CASKIN2: variants seen among roughly 807,000 people sequenced by gnomAD.
CASKIN2 encodes caskin-2.
In CASKIN2, 41 loss-of-function variants were observed where a neutral mutation model predicts 107.1. The ratio of observed to expected loss-of-function variants is 0.38; its 90% confidence interval spans 0.30 to 0.50. CASKIN2 has a LOEUF of 0.50. Among genes scored for constraint, CASKIN2 ranks in the 20% least tolerant of loss-of-function variants. The probability of loss-of-function intolerance (pLI) is 0.92; values close to 1 mark genes in which losing one functional copy is unlikely to be tolerated. For missense variants in CASKIN2, 1,546 were observed against 1,657.4 expected (o/e 0.93, Z 1.17); for synonymous variants, 724 against 705.6 (o/e 1.03, Z -0.41).
At position 75,502,914 on chromosome 17, in the gene CASKIN2, G is replaced by A. The variant is rs141399534; in HGVS notation, c.2160C>T (p.Ser720=). ...CCTGGGGGGGGCTGGGATCTCCACC[G>A]CTGGGCTGTGGGGCAGGCTGTTCCT... ...HSQEQPAPQP[S]GGDPSPPQER... The change falls in exon 18 of 20, where the codon AGC becomes AGT. Residue 720 remains serine (S), a synonymous_variant. Transcript: ENST00000321617. This position sits in a 1 kb window ranked among gnomAD's most constrained non-coding sequence, Gnocchi z 4.3. 58 of 1,558,414 alleles carry A rather than the reference G, an allele frequency of 3.7e-5. No individual in the cohort carries two copies. Among genetic ancestry groups the A allele is most frequent in the Admixed American group, 1.1e-4 (6 of 54,920 alleles).
In CASKIN2 at chr17:75,506,206, A is replaced by G; in HGVS notation, c.726+99T>C. On this transcript the variant is annotated intron_variant, in intron 8 of 19. Coordinates refer to ENST00000321617, the MANE Select transcript of CASKIN2 (RefSeq NM_020753.5). The surrounding 1 kb of genome is among the most constrained non-coding windows in gnomAD (Gnocchi z 4.8). ...CCTCTTTCCTGACGCCCATGCAAAAACCACGCTGGAGTCCTCCGTCCCGTA... is the reference window on the plus strand; with the variant it reads ...CCTCTTTCCTGACGCCCATGCAAAAGCCACGCTGGAGTCCTCCGTCCCGTA... The G allele has an allele frequency of 9.2e-7, 1 of 1,084,504 alleles. No homozygotes were observed. Among genetic ancestry groups the G allele is most frequent in the Non-Finnish European group, 1.3e-6 (1 of 747,170 alleles). 67.2% of individuals were successfully genotyped at this position (1,084,504 alleles called of 1,614,324 possible).
rs1325221150 is a variant in CASKIN2 at position 75,503,477 on chromosome 17, C to T, written c.1731G>A (p.Lys577=). Reference sequence around the variant, plus strand: ...AGTCGTAGCCGCTGCTCACCAGCTGCTTGTGGTACTGTGGCAGCCCCAGTG... The same window carrying T: ...AGTCGTAGCCGCTGCTCACCAGCTGTTTGTGGTACTGTGGCAGCCCCAGTG... The part of the protein sequence containing the change: ...LCALGLPQYH[K]QLVSSGYDSM... The change falls in exon 17 of 20, where the codon AAG becomes AAA. Residue 577 remains lysine, a synonymous_variant. Transcript: ENST00000321617. The T allele has an allele frequency of 1.2e-6, 2 of 1,612,602 alleles. No individual in the cohort carries two copies. The highest frequency in any genetic ancestry group is 1.7e-5 in the Admixed American group (1 of 60,024).
At position 75,502,574 on chromosome 17, in the gene CASKIN2, C is replaced by T. The variant is rs1320319871; in HGVS notation, c.2500G>A (p.Gly834Arg). The change falls in exon 18 of 20, where the codon GGA becomes AGA. Residue 834 changes from glycine (G) to arginine (R), a missense_variant. Physicochemically the swap from Gly to Arg is moderately radical, Grantham distance 125. Around this residue, in one of 6 missense-constraint regions of CASKIN2, gnomAD observed 1,311 missense variants for 1,311.0 expected, o/e 1.00. Coordinates refer to ENST00000321617, the MANE Select transcript of CASKIN2 (RefSeq NM_020753.5). This position sits in a 1 kb window ranked among gnomAD's most constrained non-coding sequence, Gnocchi z 4.3. ...CTGGTCCGGACAAGGGCACTGCGTC[C>T]TGGCCGCCGGGTAAGGGTAGCATAA... ...GSYATLTRRPGRSALVRTSPS... is the reference protein window; with the variant it reads ...GSYATLTRRPRRSALVRTSPS... 1.3e-6 allele frequency: 2 copies of T among 1,585,970 alleles called. No homozygotes were observed. Among genetic ancestry groups the T allele is most frequent in the South Asian group, 2.3e-5 (2 of 87,846 alleles).
Position 75,505,563 on chromosome 17 carries a change from G to A in CASKIN2, c.924C>T (p.Val308=), listed in dbSNP as rs768861263. 4.3e-6 allele frequency: 7 copies of A among 1,613,498 alleles called. 1 individual carries two copies. In the South Asian group the frequency reaches 7.7e-5, roughly 18 times the overall value. Residue 308 remains valine, a synonymous_variant, in exon 10 of 20, where the codon GTC becomes GTT. Coordinates refer to ENST00000321617, the MANE Select transcript of CASKIN2 (RefSeq NM_020753.5). This position sits in a 1 kb window ranked among gnomAD's most constrained non-coding sequence, Gnocchi z 5.1. The part of the protein sequence containing the change: ...PTALNVRAGD[V]ITVLEQHPDG... Reference sequence around the variant, plus strand: ...CCTGCTTGGGGTCCCTCACCGTGATGACATCCCCTGCCCGGACATTGAGAG... The same window carrying A: ...CCTGCTTGGGGTCCCTCACCGTGATAACATCCCCTGCCCGGACATTGAGAG...
chr17:75,505,089 G>A lies in CASKIN2; in HGVS notation c.931-16C>T. The A allele has an allele frequency of 6.6e-7, 1 of 1,509,294 alleles. No individual in the cohort carries two copies. Among genetic ancestry groups the A allele is most frequent in the Non-Finnish European group, 9.0e-7 (1 of 1,107,344 alleles). 93.5% of individuals were successfully genotyped at this position (1,509,294 alleles called of 1,614,324 possible). ...GTTCTAGCACCTGCGGCCAGGGGTG[G>A]GGGGCGGGGACGGTCACTCCCAGCA... On this transcript the variant is annotated splice_polypyrimidine_tract_variant and intron_variant, in intron 10 of 19. Transcript: ENST00000321617. This position sits in a 1 kb window ranked among gnomAD's most constrained non-coding sequence, Gnocchi z 5.1.
chr17:75,501,113 G>A lies in CASKIN2; in HGVS notation c.3576C>T (p.Ala1192=). 6.3e-7 allele frequency: 1 copy of A among 1,588,680 alleles called. No homozygotes were observed. Among genetic ancestry groups the A allele is most frequent in the Non-Finnish European group, 8.6e-7 (1 of 1,167,488 alleles). ...ILDDISTMFD[A]LADQLDAMLD is the part of the protein sequence containing the mutation. ...GCATGGCGTCCAGCTGGTCAGCCAG[G>A]GCGTCGAACATGGTGCTGATGTCAT... The change falls in exon 20 of 20, where the codon GCC becomes GCT. Residue 1192 remains alanine, a synonymous_variant. Transcript: ENST00000321617.
rs1171853266 is a variant in CASKIN2, at chr17:75,504,798, C to T, written c.1192+14G>A. The T allele has an allele frequency of 6.2e-7, 1 of 1,604,814 alleles. No homozygotes were observed. Among genetic ancestry groups the T allele is most frequent in the South Asian group, 1.1e-5 (1 of 89,560 alleles). ...CCCACACAGTGCCCAGCACTGCCCCCTGGGAGGATGTACCTGGGCTGTCTG... is the reference window on the plus strand; with the variant it reads ...CCCACACAGTGCCCAGCACTGCCCCTTGGGAGGATGTACCTGGGCTGTCTG... On this transcript the variant is annotated intron_variant, in intron 11 of 19. Coordinates refer to ENST00000321617, the MANE Select transcript of CASKIN2 (RefSeq NM_020753.5).
chr17:75,502,569 G>C lies in CASKIN2; in HGVS notation c.2505C>G (p.Arg835=). 1 of 1,581,148 alleles carries C rather than the reference G, an allele frequency of 6.3e-7. No homozygotes were observed. The highest frequency in any genetic ancestry group is 8.6e-7 in the Non-Finnish European group (1 of 1,161,574). ...SYATLTRRPG[R]SALVRTSPSV... is the part of the protein sequence containing the mutation. ...TAGGACTGGTCCGGACAAGGGCACT[G>C]CGTCCTGGCCGCCGGGTAAGGGTAG... Residue 835 remains arginine, a synonymous_variant, in exon 18 of 20, where the codon CGC becomes CGG. Transcript: ENST00000321617. The surrounding 1 kb of genome is among the most constrained non-coding windows in gnomAD (Gnocchi z 4.3).
chr17:75,502,439 C>T lies in CASKIN2; in HGVS notation c.2635G>A (p.Val879Ile), dbSNP rs545324811. The part of the protein sequence containing the change: ...PPPPPKRLSS[V>I]SGPSPEPPPL... ...GGTGGCTCCGGGCTGGGGCCAGAGA[C>T]GGAGCTGAGGCGCTTGGGGGGCGGG... The change falls in exon 18 of 20, where the codon GTC becomes ATC. Residue 879 changes from valine to isoleucine, a missense_variant. This residue lies in a region of CASKIN2 where 1,311 missense variants were observed against 1,311.0 expected (regional missense o/e 1.00). Transcript: ENST00000321617. This position sits in a 1 kb window ranked among gnomAD's most constrained non-coding sequence, Gnocchi z 4.3. 192 of 1,346,826 alleles carry T rather than the reference C, an allele frequency of 1.4e-4. No individual in the cohort carries two copies. The highest frequency in any genetic ancestry group is 4.4e-4 in the East Asian group (14 of 31,732). The allele number at this position is 1,346,826 out of a possible 1,614,324, so 83.4% of individuals were successfully genotyped here. A position where few individuals can be genotyped will look rare whatever the true frequency, so the allele number is the denominator to read the frequency against.
chr17:75,510,343 C>G (rs935654888), intron 2 of CASKIN2, among the ~76,000 whole-genome samples: 5 of 152,148 alleles, frequency 3.3e-5, no homozygotes, highest in Non-Finnish European at 2.9e-5. Flanking sequence ...GAGCATCTCC[C>G]ACCTCCCTGT....
At chr17:75,504,511 C>A in intron 12 of CASKIN2, 31 bp from the exon 13 acceptor site, 1 of 1,596,482 alleles carries the variant, frequency 6.3e-7, no homozygotes. Context: ...GCCAACTCAG[C>A]ATTTGGGGAA....
At position 75,502,614 on chromosome 17, in the gene CASKIN2, G is replaced by A; in HGVS notation, c.2460C>T (p.Gly820=). Residue 820 remains glycine (G), a synonymous_variant, in exon 18 of 20, where the codon GGC becomes GGT. Coordinates refer to ENST00000321617, the MANE Select transcript of CASKIN2 (RefSeq NM_020753.5). The surrounding 1 kb of genome is among the most constrained non-coding windows in gnomAD (Gnocchi z 4.3). ...GGGTAGCATAACTGCCTAGGGTGCT[G>A]CCCACTGGCCCTTCGGCCTCCCCCT... ...DAEGEAEGPV[G]STLGSYATLT... The A allele has an allele frequency of 6.2e-7, 1 of 1,604,058 alleles. No individual in the cohort carries two copies. Among genetic ancestry groups the A allele is most frequent in the South Asian group, 1.1e-5 (1 of 89,714 alleles).
rs372181944 is a variant in CASKIN2, at chr17:75,505,132, G to A, written c.931-59C>T. ...TCCCAGCACCAGGCAAGTGGCAAACGGTTGTCCCTGCAGCTGCGGTCCGGC... is the reference window on the plus strand; with the variant it reads ...TCCCAGCACCAGGCAAGTGGCAAACAGTTGTCCCTGCAGCTGCGGTCCGGC... On this transcript the variant is annotated intron_variant, in intron 10 of 19. Coordinates refer to ENST00000321617, the MANE Select transcript of CASKIN2 (RefSeq NM_020753.5). The surrounding 1 kb of genome is among the most constrained non-coding windows in gnomAD (Gnocchi z 5.1). 3.8e-6 allele frequency: 6 copies of A among 1,574,070 alleles called. No homozygotes were observed. The highest frequency in any genetic ancestry group is 5.2e-6 in the Non-Finnish European group (6 of 1,156,408).
At position 75,506,265 on chromosome 17, in the gene CASKIN2, C is replaced by G. The variant is rs1293372470; in HGVS notation, c.726+40G>C. On this transcript the variant is annotated intron_variant, in intron 8 of 19. Transcript: ENST00000321617. The surrounding 1 kb of genome is among the most constrained non-coding windows in gnomAD (Gnocchi z 4.8). The stretch of plus-strand genomic sequence containing the variant: ...GCCAGTCAGGGGCACAGGGCAGAGG[C>G]TCCATGGACACCTGCGAGGGAGCAG... The G allele has an allele frequency of 2.6e-6, 4 of 1,535,568 alleles. No individual in the cohort carries two copies. Among genetic ancestry groups the G allele is most frequent in the Non-Finnish European group, 3.6e-6 (4 of 1,114,942 alleles).
Position 75,504,796 on chromosome 17 carries a change from C to T in CASKIN2, c.1192+16G>A, listed in dbSNP as rs1343255360. ...CGCCCACACAGTGCCCAGCACTGCC[C>T]CCTGGGAGGATGTACCTGGGCTGTC... On this transcript the variant is annotated intron_variant, in intron 11 of 19. Coordinates refer to ENST00000321617, the MANE Select transcript of CASKIN2 (RefSeq NM_020753.5). 2 of 1,603,768 alleles carry T rather than the reference C, an allele frequency of 1.2e-6. No homozygotes were observed. Among genetic ancestry groups the T allele is most frequent in the Non-Finnish European group, 1.7e-6 (2 of 1,175,538 alleles).
chr17:75,512,706 G>A (rs4788895), intron 2 of CASKIN2, among the ~76,000 whole-genome samples: 106,615 of 151,820 alleles, frequency 0.7, 38,532 homozygotes, highest in Middle Eastern at 0.85. Flanking sequence ...TCAGGAGTTC[G>A]AGACCAGCCT....
At position 75,506,342 on chromosome 17, in the gene CASKIN2, A is replaced by G. The variant is rs1047656511; in HGVS notation, c.689T>C (p.Leu230Pro). 1 of 1,612,100 alleles carries G rather than the reference A, an allele frequency of 6.2e-7. No individual in the cohort carries two copies. Among genetic ancestry groups the G allele is most frequent in the Non-Finnish European group, 8.5e-7 (1 of 1,179,950 alleles). The part of the protein sequence containing the change: ...KTGTALHEAA[L>P]YGKTEVVRLL... ...CCGCACCACCTCGGTCTTGCCATAC[A>G]GTGCGGCCTCGTGGAGCGCCGTACC... The change falls in exon 8 of 20, where the codon CTG becomes CCG. Residue 230 changes from leucine to proline, a missense_variant. Coordinates refer to ENST00000321617, the MANE Select transcript of CASKIN2 (RefSeq NM_020753.5). The surrounding 1 kb of genome is among the most constrained non-coding windows in gnomAD (Gnocchi z 4.8).
rs1452640162 is a variant in CASKIN2 at position 75,505,211 on chromosome 17, A to G, written c.931-138T>C. 5 of 991,996 alleles carry G rather than the reference A, an allele frequency of 5.0e-6. No individual in the cohort carries two copies. In the East Asian group the frequency reaches 9.7e-5, roughly 19 times the overall value. The allele number at this position is 991,996 out of a possible 1,614,324, so 61.4% of individuals were successfully genotyped here. A position where few individuals can be genotyped will look rare whatever the true frequency, so the allele number is the denominator to read the frequency against. On this transcript the variant is annotated intron_variant, in intron 10 of 19. Coordinates refer to ENST00000321617, the MANE Select transcript of CASKIN2 (RefSeq NM_020753.5). This position sits in a 1 kb window ranked among gnomAD's most constrained non-coding sequence, Gnocchi z 5.1. ...TAAGGAGCTGGCCTCTGATGCCCAC[A>G]CTGGCCCAAGTTCCGCCCCTGCTGC...
chr17:75,507,957 G>A (rs2053283296), intron 3 of CASKIN2: 7 of 583,986 alleles, frequency 1.2e-5, no homozygotes, highest in Non-Finnish European at 2.1e-5. Context: ...CTACCCTCCA[G>A]GGAGAAAAGG....
Sources: allele counts gnomAD v4.1 joint callset (sites outside exome capture counted in the v4.1 genomes callset), GRCh38; gene constraint gnomAD v4.1.1; regional missense constraint gnomAD v4.1.1; non-coding constraint Gnocchi (gnomAD v3.1); transcripts MANE v1.5; gene names NCBI Gene and HGNC (gene_info 2026-07-23, HGNC 2026-07-21).